The following GBF1 variants were observed in gnomAD, a reference collection of about 807,000 sequenced individuals.
The protein encoded by GBF1 is golgi brefeldin A resistant guanine nucleotide exchange factor 1.
A neutral mutation model predicts 210.5 loss-of-function variants in GBF1; 114 were observed. The ratio of observed to expected loss-of-function variants is 0.54; its 90% CI spans 0.47 to 0.63. The LOEUF (loss-of-function observed/expected upper bound fraction) is 0.63. Ranked by LOEUF, GBF1 falls within the 30% of genes least tolerant of loss-of-function variation. GBF1 has a pLI of 0.00. For missense variants in GBF1, 1,851 were observed against 2,357.7 expected (o/e 0.79, Z 4.45); for synonymous variants, 850 against 889.2 (o/e 0.96, Z 0.78).
At chr10:102,264,561 C>A (rs959887204) in intron 3 of GBF1, among the ~76,000 whole-genome samples, 3 of 152,166 alleles carry the variant, frequency 2.0e-5, no homozygotes, top group Non-Finnish European at 4.4e-5. Flanking sequence ...CCCCTCCCCC[C>A]ACGGAGTGTG....
chr10:102,301,970 G>T (rs1324214074), intron 3 of GBF1, among the ~76,000 whole-genome samples: 1 of 152,248 alleles, frequency 6.6e-6, no homozygotes, highest in Admixed American at 6.5e-5. Context: ...TCCAGCCTGG[G>T]CAACATTGAG....
intron 3 of GBF1, among the ~76,000 whole-genome samples, chr10:102,302,190 G>A (rs1188131446): frequency 2.6e-5 from 4 of 152,234 alleles, no homozygotes; most frequent in African/African-American, 9.6e-5. Flanking sequence ...AGGCAGGGAG[G>A]TTGCAGTGAG....
At chr10:102,302,021 G>A (rs1219791162) in intron 3 of GBF1, among the ~76,000 whole-genome samples, 21 of 152,232 alleles carry the variant, frequency 1.4e-4, no homozygotes, top group Admixed American at 1.2e-3. Flanking sequence ...CCGGCACCTC[G>A]GGAGGCCGAG....
chr10:102,284,758 A>G (rs2075802933), intron 3 of GBF1, among the ~76,000 whole-genome samples: 2 of 152,116 alleles, frequency 1.3e-5, no homozygotes, highest in African/African-American at 4.8e-5. Flanking sequence ...TCTGTTTTCA[A>G]TTCCTTTGGA....
chr10:102,381,325 G>A (rs958322888), intron 39 of GBF1, 70 bp downstream of exon 39: 68 of 1,525,762 alleles, frequency 4.5e-5, no homozygotes, highest in Middle Eastern at 2.1e-4. Flanking sequence ...GGCCCAAGGG[G>A]GCGTGGGAAT....
At chr10:102,232,952 A>G in the GBF1 span, among the ~76,000 whole-genome samples, 1 of 152,202 alleles carries the variant, frequency 6.6e-6, no homozygotes, top group Non-Finnish European at 1.5e-5. Context: ...CCTCACAAGA[A>G]TACCTCAAGT....
At chr10:102,340,851 C>A (rs920710633) in intron 3 of GBF1, among the ~76,000 whole-genome samples, 2 of 152,158 alleles carry the variant, frequency 1.3e-5, no homozygotes, top group Non-Finnish European at 2.9e-5. Flanking sequence ...AAACATAAAT[C>A]TGTAAACATT....
At chr10:102,343,018 G>A (rs2058305277) in intron 3 of GBF1, among the ~76,000 whole-genome samples, 1 of 152,112 alleles carries the variant, frequency 6.6e-6, no homozygotes, top group Non-Finnish European at 1.5e-5. Flanking sequence ...GACTAATCAT[G>A]TATCTTATCT....
Position 102,380,290 on chromosome 10 carries a change from C to G in GBF1, c.4920C>G (p.Thr1640=). 1 of 1,614,092 alleles carries G rather than the reference C, an allele frequency of 6.2e-7. No homozygotes were observed. The highest frequency in any genetic ancestry group is 8.5e-7 in the Non-Finnish European group (1 of 1,179,974). The change falls in exon 37 of 40, where the codon ACC becomes ACG. Residue 1640 remains threonine (T), a synonymous_variant. Transcript: ENST00000369983. The part of the protein sequence containing the change: ...QHLSPLLSLS[T]FAALWLTILD... ...TGTCTCCACTGCTGTCACTCTCTAC[C>G]TTTGCGGCCCTCTGGCTCACCATCT...
At position 102,379,916 on chromosome 10, in the gene GBF1, G is replaced by C; in HGVS notation, c.4840G>C (p.Glu1614Gln). 3 of 1,613,452 alleles carry C rather than the reference G, an allele frequency of 1.9e-6. No homozygotes were observed. Among genetic ancestry groups the C allele is most frequent in the Middle Eastern group, 1.7e-4 (1 of 6,056 alleles). The change falls in exon 36 of 40, where the codon GAG becomes CAG. Residue 1614 changes from glutamate to glutamine, a missense_variant. By Grantham distance (29) the Glu-to-Gln change is conservative. Around this residue, in one of 3 missense-constraint regions of GBF1, gnomAD observed 967 missense variants for 1,247.7 expected, o/e 0.78. Transcript: ENST00000369983. The part of the protein sequence containing the change: ...NISPADVGGM[E>Q]ETRMRASTLL... Reference sequence around the variant, plus strand: ...CAGCCCTGCAGATGTGGGTGGGATGGAGGAGACCCGGATGAGGGCTTCCAC... The same window carrying C: ...CAGCCCTGCAGATGTGGGTGGGATGCAGGAGACCCGGATGAGGGCTTCCAC...
chr10:102,240,536 C>G (rs971412354), upstream of GBF1, among the ~76,000 whole-genome samples: 7 of 152,252 alleles, frequency 4.6e-5, no homozygotes, highest in East Asian at 1.3e-3. Context: ...GCTGGGCAGG[C>G]GCTGCTGGGT....
chr10:102,370,656 C>A, intron 28 of GBF1, 51 bp from the exon 29 acceptor site: 1 of 1,588,064 alleles, frequency 6.3e-7, no homozygotes. Flanking sequence ...GGACCTGTTG[C>A]CCAGTGGCCC....
At chr10:102,284,283 A>G (rs184223762) in intron 3 of GBF1, among the ~76,000 whole-genome samples, 1 of 152,354 alleles carries the variant, frequency 6.6e-6, no homozygotes, top group East Asian at 1.9e-4. Flanking sequence ...TGAAATGCAT[A>G]TAACATAAAA....
chr10:102,233,117 T>C, the GBF1 span, among the ~76,000 whole-genome samples: 3 of 152,076 alleles, frequency 2.0e-5, no homozygotes, highest in African/African-American at 7.2e-5. Context: ...TATTATTATT[T>C]TATTTTTCTG....
chr10:102,351,434 C>A (rs1485623379), intron 5 of GBF1, 60 bp downstream of exon 5: 11 of 910,636 alleles, frequency 1.2e-5, no homozygotes, highest in Non-Finnish European at 2.0e-5. Flanking sequence ...GCAGACTCTA[C>A]TTACTCTGCC....
the GBF1 span, chr10:102,231,910 G>T: frequency 2.6e-6 from 4 of 1,550,986 alleles, no homozygotes; most frequent in South Asian, 3.3e-5. Flanking sequence ...GGTCCCACCC[G>T]CACTGGGGAT....
intron 3 of GBF1, among the ~76,000 whole-genome samples, chr10:102,268,502 G>A (rs893658440): frequency 6.6e-6 from 1 of 152,184 alleles, no homozygotes; most frequent in African/African-American, 2.4e-5. Context: ...CTTTAGCACA[G>A]CTACCTCTTG....
At chr10:102,370,655 G>T (rs1473205495) in intron 28 of GBF1, 52 bp from the exon 29 acceptor site, 3 of 1,585,580 alleles carry the variant, frequency 1.9e-6, no homozygotes, top group Non-Finnish European at 2.6e-6. Flanking sequence ...GGGACCTGTT[G>T]CCCAGTGGCC....
intron 3 of GBF1, among the ~76,000 whole-genome samples, chr10:102,272,405 G>A (rs998299341): frequency 6.6e-6 from 1 of 152,084 alleles, no homozygotes. Context: ...GCACCCGGCC[G>A]CAATTGTTGA....
Sources: gnomAD v4.1 joint callset for allele counts (sites outside exome capture counted in the v4.1 genomes callset) on GRCh38, gnomAD v4.1.1 for gene constraint, gnomAD v4.1.1 regional missense constraint, MANE v1.5 for transcripts, NCBI Gene and HGNC (gene_info 2026-07-23, HGNC 2026-07-21) for gene names.